The following ETNPPL variants were observed in gnomAD, a reference collection of about 807,000 sequenced individuals.
ETNPPL encodes alanine--glyoxylate aminotransferase 2-like 1.
Under a neutral mutation model 55.5 loss-of-function variants are expected in ETNPPL, and 30 were observed. The ratio of observed to expected loss-of-function variants is 0.54; its 90% CI spans 0.40 to 0.73. ETNPPL has a LOEUF of 0.73. ETNPPL is among the 30% of genes least tolerant of loss of function. ETNPPL has a pLI of 0.00. For synonymous variants in ETNPPL, 202 were observed against 207.2 expected, an observed-to-expected ratio of 0.98 and a Z score of 0.21; for missense variants, 528 against 607.9, an observed-to-expected ratio of 0.87 and a Z score of 1.38.
At chr4:108,752,408 T>C (rs1430763504) in intron 6 of ETNPPL, among the ~76,000 whole-genome samples, 1 of 152,194 alleles carries the variant, frequency 6.6e-6, no homozygotes, top group African/African-American at 2.4e-5. Flanking sequence ...TTTGTTTCTG[T>C]CTTAGAAGTC....
rs1286326619 is a variant in ETNPPL at position 108,746,792 on chromosome 4, G to T, written c.1142C>A (p.Ala381Asp). The T allele has an allele frequency of 6.2e-7, 1 of 1,613,968 alleles. No homozygotes were observed. Among genetic ancestry groups the T allele is most frequent in the South Asian group, 1.1e-5 (1 of 91,064 alleles). The change falls in exon 10 of 13, where the codon GCC (alanine) becomes GAC (aspartate). Residue 381 changes from alanine to aspartate, a missense_variant. Coordinates refer to ENST00000296486, the MANE Select transcript of ETNPPL (RefSeq NM_031279.4). Reference sequence around the variant, plus strand: ...GATGATGTGCTGAGCTTCAGCTGTGGCAGGGGTCCTTTTCAGATGGTCCTT... The same window carrying T: ...GATGATGTGCTGAGCTTCAGCTGTGTCAGGGGTCCTTTTCAGATGGTCCTT... ...LVKDHLKRTP[A>D]TAEAQHIIYK...
rs1309431222 is a variant in ETNPPL at position 108,747,167 on chromosome 4, T to C, written c.1083-316A>G. 1.6e-4 allele frequency among the ~76,000 whole-genome samples: 2 copies of C among 12,606 alleles called. 1 individual carries two copies. Among genetic ancestry groups the C allele is most frequent in the African/African-American group, 1.5e-3 (2 of 1,326 alleles). The allele number at this position is 12,606 out of a possible 152,430, so 8.3% of individuals were successfully genotyped here. A position where few individuals can be genotyped will look rare whatever the true frequency, so the allele number is the denominator to read the frequency against. ...ATATATAATATATATATATATATTATATATATATATATAATATATATATAT... is the reference window on the plus strand; with the variant it reads ...ATATATAATATATATATATATATTACATATATATATATAATATATATATAT... On this transcript the variant is annotated intron_variant, in intron 9 of 12. Transcript: ENST00000296486.
intron 3 of ETNPPL, among the ~76,000 whole-genome samples, chr4:108,757,184 C>T (rs1448345229): frequency 6.6e-6 from 1 of 152,172 alleles, no homozygotes; most frequent in Non-Finnish European, 1.5e-5. Context: ...CAACATTTGA[C>T]TAGCTTCCTT....
At position 108,758,765 on chromosome 4, in the gene ETNPPL, C is replaced by T. The variant is rs150927614; in HGVS notation, c.335+984G>A. Among the ~76,000 whole-genome samples the T allele has an allele frequency of 2.4e-3, 371 of 152,298 alleles. 4 individuals are homozygous for T. The highest frequency in any genetic ancestry group is 8.4e-3 in the African/African-American group (350 of 41,572). On this transcript the variant is annotated intron_variant, in intron 3 of 12. Coordinates refer to ENST00000296486, the MANE Select transcript of ETNPPL (RefSeq NM_031279.4). ...AGACCAGCCCGCATCTCTTGGGGCT[C>T]CTTCTGGCTGGGCACGGTTGCTCAT...
intron 5 of ETNPPL, among the ~76,000 whole-genome samples, chr4:108,754,273 C>T (rs1420459085): frequency 1.3e-5 from 2 of 151,982 alleles, no homozygotes; most frequent in African/African-American, 4.8e-5. Context: ...CCACTGTGCC[C>T]GGCCAAGAGC....
At chr4:108,748,227 G>A in intron 8 of ETNPPL, 68 bp from the exon 9 acceptor site, 1 of 1,265,960 alleles carries the variant, frequency 7.9e-7, no homozygotes, top group Non-Finnish European at 1.1e-6. Context: ...TCATCCATGA[G>A]AAATTTGGCT....
rs779398981 is a variant in ETNPPL, at chr4:108,749,277, T to G, written c.888A>C (p.Ala296=). Residue 296 remains alanine (A), a synonymous_variant, in exon 8 of 13, where the codon GCA becomes GCC. Transcript: ENST00000296486. Reference sequence around the variant, plus strand: ...CCATCCCAGAGCTGCTGAAGGCTTCTGCAATTTCTTTGGTTGTTACCACAC... The same window carrying G: ...CCATCCCAGAGCTGCTGAAGGCTTCGGCAATTTCTTTGGTTGTTACCACAC... The part of the protein sequence containing the change: ...VACVVTTKEI[A]EAFSSSGMEY... 6.8e-6 allele frequency: 11 copies of G among 1,613,844 alleles called. No individual in the cohort carries two copies. The East Asian group carries it at 2.2e-4, about 33-fold the overall frequency.
At chr4:108,756,308 C>A in intron 4 of ETNPPL, 110 bp downstream of exon 4, 1 of 711,290 alleles carries the variant, frequency 1.4e-6, no homozygotes, top group South Asian at 1.8e-5. Flanking sequence ...AACATTGCTC[C>A]ATATATCTGT....
intron 5 of ETNPPL, among the ~76,000 whole-genome samples, chr4:108,753,800 G>GAAAGAAAGAAAGAAAGA (rs374263477): frequency 1.0e-3 from 114 of 109,028 alleles, no homozygotes; most frequent in Middle Eastern, 4.8e-3. Context: ...AAGAAAGAAA[G>GAAAGAAAGAAAGAAAGA]AAAGAAAAGA....
chr4:108,759,788 A>G lies in ETNPPL; in HGVS notation c.296T>C (p.Leu99Pro). 1.6e-5 allele frequency: 26 copies of G among 1,614,180 alleles called. No individual in the cohort carries two copies. The highest frequency in any genetic ancestry group is 2.2e-5 in the Non-Finnish European group (26 of 1,180,028). The change falls in exon 3 of 13, where the codon CTG becomes CCG. Residue 99 changes from leucine to proline, a missense_variant. By Grantham distance (98) the Leu-to-Pro change is moderately conservative (BLOSUM62 -3). Transcript: ENST00000296486. ...ATAACAAACAGAGAGTTTCTCCGGC[A>G]GAGTTGCTGAAAGGCGTTTGGCATA... The part of the protein sequence containing the change: ...VEYAKRLSAT[L>P]PEKLSVCYFT...
chr4:108,755,870 A>AT (rs1425401112), intron 4 of ETNPPL, among the ~76,000 whole-genome samples: 2 of 152,134 alleles, frequency 1.3e-5, no homozygotes, highest in African/African-American at 4.8e-5. Flanking sequence ...AAGTTGCCAG[A>AT]TTTCTGGTTT....
In ETNPPL at chr4:108,757,581, T is replaced by A. The variant is rs146325384; in HGVS notation, c.336-1089A>T. ...TGAGGTCAGGAGTTCAAGATCAACC[T>A]GACCAATCTAGCAATACCTTGTCTC... On this transcript the variant is annotated intron_variant, in intron 3 of 12. Coordinates refer to ENST00000296486, the MANE Select transcript of ETNPPL (RefSeq NM_031279.4). Among the ~76,000 whole-genome samples the A allele has an allele frequency of 8.7e-3, 1,329 of 152,300 alleles. 12 individuals are homozygous for A. The highest frequency in any genetic ancestry group is 0.014 in the Middle Eastern group (4 of 294).
intron 3 of ETNPPL, among the ~76,000 whole-genome samples, chr4:108,759,486 A>C (rs1033709956): frequency 1.3e-5 from 2 of 152,170 alleles, no homozygotes. Context: ...CATTGAAAGA[A>C]TATCTTGGCC....
At chr4:108,744,290 A>G (rs1487923237) in intron 11 of ETNPPL, among the ~76,000 whole-genome samples, 1 of 152,110 alleles carries the variant, frequency 6.6e-6, no homozygotes, top group African/African-American at 2.4e-5. Flanking sequence ...TCACTATCAA[A>G]ATTACTTTAA....
intron 2 of ETNPPL, 24 bp downstream of exon 2, chr4:108,760,164 G>T: frequency 1.4e-6 from 2 of 1,445,284 alleles, no homozygotes; most frequent in Non-Finnish European, 1.9e-6. Context: ...TTCCTCCAAA[G>T]CACTGCAAGG....
chr4:108,757,698 G>A (rs1729281297), intron 3 of ETNPPL, among the ~76,000 whole-genome samples: 2 of 152,120 alleles, frequency 1.3e-5, no homozygotes, highest in Middle Eastern at 6.8e-3. Flanking sequence ...TAGCACTTTG[G>A]GAGGCTGAAG....
At position 108,759,662 on chromosome 4, in the gene ETNPPL, C is replaced by G. The variant is rs1172273175; in HGVS notation, c.335+87G>C. On this transcript the variant is annotated intron_variant, in intron 3 of 12. Coordinates refer to ENST00000296486, the MANE Select transcript of ETNPPL (RefSeq NM_031279.4). ...CTCAGCAAACCCTTTTGGACAAGCT[C>G]CACCATGAATCAAAAGGAAAGATTT... 1.4e-5 allele frequency: 19 copies of G among 1,380,480 alleles called. 1 individual carries two copies. Among genetic ancestry groups the G allele is most frequent in the Non-Finnish European group, 1.8e-5 (18 of 993,488 alleles). 85.5% of individuals were successfully genotyped at this position (1,380,480 alleles called of 1,614,324 possible).
intron 9 of ETNPPL, among the ~76,000 whole-genome samples, chr4:108,747,139 TATATATATAA>T (rs1560649993): frequency 1.4e-4 from 4 of 27,710 alleles, no homozygotes; most frequent in African/African-American, 3.9e-4. Flanking sequence ...TATATATATA[TATATATATAA>T]TATATATATA....
In ETNPPL at chr4:108,749,444, C is replaced by A; in HGVS notation, c.721G>T (p.Gly241Cys). The A allele has an allele frequency of 4.3e-6, 7 of 1,613,916 alleles. No homozygotes were observed. Among genetic ancestry groups the A allele is most frequent in the Non-Finnish European group, 5.9e-6 (7 of 1,179,902 alleles). The change falls in exon 8 of 13, where the codon GGT becomes TGT. Residue 241 changes from glycine (G) to cysteine (C), a missense_variant. Coordinates refer to ENST00000296486, the MANE Select transcript of ETNPPL (RefSeq NM_031279.4). The part of the protein sequence containing the change: ...KVAEYVHGAG[G>C]VFIADEVQVG... ...TGAACTTCATCAGCTATAAACACACCCCCTGCACCGTGTACATATCTGAAA... is the reference window on the plus strand; with the variant it reads ...TGAACTTCATCAGCTATAAACACACACCCTGCACCGTGTACATATCTGAAA...
Sources: allele counts gnomAD v4.1 joint callset (sites outside exome capture counted in the v4.1 genomes callset), GRCh38; gene constraint gnomAD v4.1.1; transcripts MANE v1.5; gene names NCBI Gene and HGNC (gene_info 2026-07-23, HGNC 2026-07-21).